PGBD5: variants seen among roughly 807,000 people sequenced by gnomAD.
PGBD5 encodes the protein piggyBac transposable element-derived protein 5.
A neutral mutation model predicts 47.9 loss-of-function variants in PGBD5; 14 were observed. The ratio of observed to expected loss-of-function variants is 0.29; its 90% CI spans 0.19 to 0.46. The LOEUF (loss-of-function observed/expected upper bound fraction) is 0.46, where lower values mean the gene tolerates loss of function less well. Among genes scored for constraint, PGBD5 ranks in the 20% least tolerant of loss-of-function variants. The pLI, the probability that PGBD5 is intolerant of heterozygous loss-of-function variation, is 1.00. For synonymous variants in PGBD5, 316 were observed against 306.3 expected (o/e 1.03, Z -0.33); for missense variants, 635 against 716.0 (o/e 0.89, Z 1.29).
In PGBD5 at chr1:230,332,955, G is replaced by C. The variant is rs1325583591; in HGVS notation, c.1162C>G (p.Pro388Ala). ...LSMLTNPATP[P>A]ARGQYQIKMK... ...TTGATTTGGTACTGGCCCCGGGCCG[G>C]GGGTGTGGCTGGGTTGGTCAGCATG... The change falls in exon 5 of 7, where the codon CCG becomes GCG. Residue 388 changes from proline to alanine, a missense_variant. Transcript: ENST00000391860. 6.2e-7 allele frequency: 1 copy of C among 1,614,178 alleles called. No individual in the cohort carries two copies.
At chr1:230,366,418 G>C (rs1202663222) in intron 1 of PGBD5, among the ~76,000 whole-genome samples, 2 of 152,098 alleles carry the variant, frequency 1.3e-5, no homozygotes, top group African/African-American at 2.4e-5. Flanking sequence ...AGTGTCTCTA[G>C]GTTTCAGTTT....
At chr1:230,394,997 CCA>C (rs1656893957) in intron 1 of PGBD5, among the ~76,000 whole-genome samples, 1 of 130,504 alleles carries the variant, frequency 7.7e-6, no homozygotes, top group Non-Finnish European at 1.6e-5. Flanking sequence ...TCCTCTCCTC[CCA>C]CTCCTCCCCA....
intron 1 of PGBD5, among the ~76,000 whole-genome samples, chr1:230,404,319 T>C (rs1170169657): frequency 6.6e-6 from 1 of 152,006 alleles, no homozygotes; most frequent in South Asian, 2.1e-4. Flanking sequence ...TCTCTACAAA[T>C]AATTTAAAAA....
chr1:230,413,642 C>G (rs1207891017), intron 1 of PGBD5, among the ~76,000 whole-genome samples: 4 of 152,126 alleles, frequency 2.6e-5, no homozygotes, highest in Non-Finnish European at 5.9e-5. Flanking sequence ...TCATGTCATC[C>G]TTTGGTTTCC....
At chr1:230,398,684 C>T (rs1657058732) in intron 1 of PGBD5, among the ~76,000 whole-genome samples, 1 of 152,206 alleles carries the variant, frequency 6.6e-6, no homozygotes, top group African/African-American at 2.4e-5. Flanking sequence ...CATAAGCCCT[C>T]AGTAGGCAGA....
chr1:230,412,174 A>G (rs971259918), intron 1 of PGBD5, among the ~76,000 whole-genome samples: 13 of 152,192 alleles, frequency 8.5e-5, no homozygotes, highest in African/African-American at 3.1e-4. Flanking sequence ...CATGTATAAT[A>G]TTATATTAAT....
chr1:230,387,907 G>A (rs896021991), intron 1 of PGBD5, among the ~76,000 whole-genome samples: 1 of 152,158 alleles, frequency 6.6e-6, no homozygotes, highest in African/African-American at 2.4e-5. Flanking sequence ...ATAATTGGAG[G>A]GGAAGTTACG....
chr1:230,338,749 G>A (rs962370564), intron 3 of PGBD5, among the ~76,000 whole-genome samples: 2 of 152,118 alleles, frequency 1.3e-5, no homozygotes, highest in Non-Finnish European at 2.9e-5. Context: ...GCAGTGAGCT[G>A]AGATCGTGCC....
intron 1 of PGBD5, among the ~76,000 whole-genome samples, chr1:230,379,967 C>T (rs372638600): frequency 1.4e-4 from 21 of 152,350 alleles, no homozygotes; most frequent in African/African-American, 5.0e-4. Context: ...CTCATTTCTT[C>T]ATTACTACCC....
intron 1 of PGBD5, among the ~76,000 whole-genome samples, chr1:230,376,647 T>C (rs1668019211): frequency 6.6e-6 from 1 of 152,156 alleles, no homozygotes; most frequent in Non-Finnish European, 1.5e-5. Flanking sequence ...TTCAGGATGT[T>C]CATTCTATCC....
chr1:230,332,161 G>A (rs1354599668), intron 5 of PGBD5, among the ~76,000 whole-genome samples: 1 of 146,964 alleles, frequency 6.8e-6, no homozygotes, highest in African/African-American at 2.5e-5. Context: ...GAAGGGGAAA[G>A]AGGCCTTTGT....
In PGBD5 at chr1:230,410,386, A is replaced by T. The variant is rs371023736; in HGVS notation, c.331+15212T>A. ...CCTTACTTCCCTCAAATAAGAATATATATTTTTTCTTACACCTATGCCACA... is the reference window on the plus strand; with the variant it reads ...CCTTACTTCCCTCAAATAAGAATATTTATTTTTTCTTACACCTATGCCACA... On this transcript the variant is annotated intron_variant, in intron 1 of 6. Coordinates refer to ENST00000391860, the MANE Select transcript of PGBD5 (RefSeq NM_001258311.2). Among the ~76,000 whole-genome samples the T allele has an allele frequency of 1.4e-4, 22 of 152,344 alleles. 1 individual carries two copies. The East Asian group carries it at 3.7e-3, about 25-fold the overall frequency.
chr1:230,339,761 AAC>A (rs1487939597), intron 3 of PGBD5, among the ~76,000 whole-genome samples: 1 of 152,232 alleles, frequency 6.6e-6, no homozygotes, highest in Non-Finnish European at 1.5e-5. Context: ...CAGGAAGAGA[AAC>A]ACTGTATGAT....
At chr1:230,405,743 A>T (rs1657283951) in intron 1 of PGBD5, among the ~76,000 whole-genome samples, 1 of 152,236 alleles carries the variant, frequency 6.6e-6, no homozygotes, top group Admixed American at 6.5e-5. Flanking sequence ...GAGGAGAAAG[A>T]ACTGATGACC....
At chr1:230,371,918 T>C (rs925341446) in intron 1 of PGBD5, among the ~76,000 whole-genome samples, 5 of 152,104 alleles carry the variant, frequency 3.3e-5, no homozygotes, top group Admixed American at 2.6e-4. Flanking sequence ...ATAAAACCTG[T>C]GGGCAAGCTA....
intron 1 of PGBD5, among the ~76,000 whole-genome samples, chr1:230,418,707 C>G (rs1284387125): frequency 1.3e-5 from 2 of 152,134 alleles, no homozygotes; most frequent in Admixed American, 6.6e-5. Context: ...CCAAGATGGT[C>G]TCGAACTCTT....
chr1:230,374,536 A>G (rs1667982176), intron 1 of PGBD5, among the ~76,000 whole-genome samples: 1 of 151,074 alleles, frequency 6.6e-6, no homozygotes, highest in African/African-American at 2.5e-5. Flanking sequence ...AAGAATCTAA[A>G]GCTAAGCATC....
chr1:230,405,003 T>A (rs1480320158), intron 1 of PGBD5, among the ~76,000 whole-genome samples: 2 of 139,930 alleles, frequency 1.4e-5, no homozygotes, highest in Admixed American at 7.4e-5. Flanking sequence ...TAAAAAGATA[T>A]ATGAAGAGGT....
intron 1 of PGBD5, among the ~76,000 whole-genome samples, chr1:230,399,671 A>G (rs1166799105): frequency 6.6e-6 from 1 of 152,076 alleles, no homozygotes; most frequent in Admixed American, 6.5e-5. Context: ...AGGAATGTGC[A>G]GTGGGAGTAG....
Sources: gnomAD v4.1 joint callset for allele counts (sites outside exome capture counted in the v4.1 genomes callset) on GRCh38, gnomAD v4.1.1 for gene constraint, MANE v1.5 for transcripts, NCBI Gene and HGNC (gene_info 2026-07-23, HGNC 2026-07-21) for gene names.